DNAH9: variants seen among roughly 807,000 people sequenced by gnomAD.
DNAH9 encodes DNAH9 variant protein.
DNAH9 carries 345 observed loss-of-function variants against 471.6 expected under a neutral mutation model. The observed-to-expected ratio is 0.73, with a 90% confidence interval of 0.67 to 0.80. DNAH9 has a LOEUF of 0.80. DNAH9 is among the 30% of genes least tolerant of loss of function. The probability of loss-of-function intolerance (pLI) is 0.00; values close to 1 mark genes in which losing one functional copy is unlikely to be tolerated. For missense variants in DNAH9, 5,407 were observed against 5,609.2 expected, an observed-to-expected ratio of 0.96 and a Z score of 1.15; for synonymous variants, 2,093 against 2,123.6, an observed-to-expected ratio of 0.99 and a Z score of 0.40.
intron 59 of DNAH9, among the ~76,000 whole-genome samples, chr17:11,897,632 C>A (rs1973261328): frequency 6.6e-6 from 1 of 152,224 alleles, no homozygotes; most frequent in Non-Finnish European, 1.5e-5. Flanking sequence ...CTAATTAACA[C>A]AGGCTCTGGA....
chr17:11,894,315 G>C, intron 58 of DNAH9, 59 bp from the exon 59 acceptor site: 2 of 1,597,126 alleles, frequency 1.3e-6, no homozygotes, highest in Non-Finnish European at 8.5e-7. Flanking sequence ...CAACCCCTAA[G>C]ATTTCTAGGA....
Position 11,651,230 on chromosome 17 carries a change from G to T in DNAH9, c.2259G>T (p.Leu753=). 6.2e-7 allele frequency: 1 copy of T among 1,614,080 alleles called. No individual in the cohort carries two copies. The highest frequency in any genetic ancestry group is 1.3e-5 in the African/African-American group (1 of 75,014). The change falls in exon 13 of 69, where the codon CTG becomes CTT. Residue 753 remains leucine (L), a synonymous_variant. Coordinates refer to ENST00000262442, the MANE Select transcript of DNAH9 (RefSeq NM_001372.4). ...GGTACAACAAGGTTATGAAAACTCT[G>T]CTGGAGGTGGAATTTCCATTAGTGG... ...ANWYNKVMKT[L]LEVEFPLVEE...
intron 28 of DNAH9, among the ~76,000 whole-genome samples, chr17:11,734,439 A>G (rs968135317): frequency 6.6e-6 from 1 of 152,232 alleles, no homozygotes; most frequent in African/African-American, 2.4e-5. Flanking sequence ...CACATGGTTC[A>G]CACGTTCAGC....
chr17:11,763,301 G>C, intron 35 of DNAH9, 139 bp from the exon 36 acceptor site: 1 of 721,958 alleles, frequency 1.4e-6, no homozygotes, highest in Non-Finnish European at 2.3e-6. Context: ...GGCTTAAGTG[G>C]CGCTCTGGTT....
chr17:11,843,859 G>GTATATATATATATATA (rs1490566898), intron 49 of DNAH9, among the ~76,000 whole-genome samples: 234 of 46,856 alleles, frequency 5.0e-3, no homozygotes, highest in Admixed American at 5.9e-3. Context: ...GTGTGTGTGT[G>GTATATATATATATATA]TGTGTATATA....
rs749472184 is a variant in DNAH9 at position 11,871,781 on chromosome 17, C to A, written c.10237C>A (p.Leu3413Met). ...AACTTGGAGGCCCTACCTGAGCCAG[C>A]TGAAAGTACGTATGGCCTGAATTTC... ...DRTWRPYLSQ[L>M]KTPIPVTPAL... The change falls in exon 52 of 69, where the codon CTG (leucine) becomes ATG (methionine). Residue 3413 changes from leucine to methionine, a missense_variant. Leu to Met is a conservative substitution (Grantham distance 15). This residue lies in a region of DNAH9 where 4,636 missense variants were observed against 4,900.3 expected (regional missense o/e 0.95). Transcript: ENST00000262442. 3.7e-6 allele frequency: 6 copies of A among 1,613,922 alleles called. No individual in the cohort carries two copies. In the Admixed American group the frequency reaches 1.0e-4, roughly 27 times the overall value.
rs2151036410 is a variant in DNAH9 at position 11,932,399 on chromosome 17, C to T, written c.12297+194C>T. Among the ~76,000 whole-genome samples, 1 of 152,268 alleles carries T rather than the reference C, an allele frequency of 6.6e-6. No homozygotes were observed. Among genetic ancestry groups the T allele is most frequent in the South Asian group, 2.1e-4 (1 of 4,826 alleles). ...TAACACATGGTCATGTTCCAAGCCC[C>T]ACTCCCCATTACCTGACAGCCAGAT... On this transcript the variant is annotated intron_variant, in intron 64 of 68. Transcript: ENST00000262442. This position sits in a 1 kb window ranked among gnomAD's most constrained non-coding sequence, Gnocchi z 4.3.
chr17:11,840,633 A>T lies in DNAH9; in HGVS notation c.9507+5735A>T, dbSNP rs117848237. 6.7e-3 allele frequency among the ~76,000 whole-genome samples: 1,016 copies of T among 152,290 alleles called. 4 individuals carry two copies. Among genetic ancestry groups the T allele is most frequent in the Non-Finnish European group, 0.011 (758 of 68,022 alleles). On this transcript the variant is annotated intron_variant, in intron 49 of 68. Coordinates refer to ENST00000262442, the MANE Select transcript of DNAH9 (RefSeq NM_001372.4). ...TCATATAACAAAAGTGACTTTGCAGATATCATTAAGTTAAGGATCTTGAGA... is the reference window on the plus strand; with the variant it reads ...TCATATAACAAAAGTGACTTTGCAGTTATCATTAAGTTAAGGATCTTGAGA...
At chr17:11,855,859 C>T (rs1034697468) in intron 50 of DNAH9, among the ~76,000 whole-genome samples, 5 of 152,268 alleles carry the variant, frequency 3.3e-5, no homozygotes, top group Admixed American at 6.5e-5. Context: ...ATTTACTGAT[C>T]GTGTGACCTT....
intron 50 of DNAH9, among the ~76,000 whole-genome samples, chr17:11,866,881 G>A (rs1243319552): frequency 1.3e-5 from 2 of 152,254 alleles, no homozygotes; most frequent in South Asian, 2.1e-4. Flanking sequence ...GAAAAGGGCA[G>A]TATTCGGGTG....
Position 11,768,447 on chromosome 17 carries a change from T to A in DNAH9, c.7171-6T>A. ...CCTTGTCCCCTGACTGTCTTTGTTT[T>A]TGCAGCTTGTGGACTACCGGGCAGA... On this transcript the variant is annotated splice_polypyrimidine_tract_variant and splice_region_variant and intron_variant, in intron 36 of 68. Transcript: ENST00000262442. 6.2e-7 allele frequency: 1 copy of A among 1,611,440 alleles called. No individual in the cohort carries two copies. The highest frequency in any genetic ancestry group is 8.5e-7 in the Non-Finnish European group (1 of 1,177,756).
chr17:11,819,478 C>T (rs78929639), intron 45 of DNAH9, among the ~76,000 whole-genome samples: 15 of 151,758 alleles, frequency 9.9e-5, no homozygotes, highest in Non-Finnish European at 1.8e-4. Context: ...AGTGCAGTGG[C>T]GCAATCTCGG....
At chr17:11,728,333 C>T (rs1425319936) in intron 28 of DNAH9, among the ~76,000 whole-genome samples, 2 of 152,140 alleles carry the variant, frequency 1.3e-5, no homozygotes, top group Admixed American at 1.3e-4. Context: ...TTCCACCACG[C>T]TCAGCTTAAT....
intron 12 of DNAH9, 121 bp from the exon 13 acceptor site, chr17:11,650,948 A>G: frequency 9.8e-7 from 1 of 1,022,058 alleles, no homozygotes. Flanking sequence ...TGATAGGAGC[A>G]GAACTTAAGA....
chr17:11,831,822 A>G (rs1181302478), intron 48 of DNAH9, among the ~76,000 whole-genome samples: 1 of 152,140 alleles, frequency 6.6e-6, no homozygotes, highest in Non-Finnish European at 1.5e-5. Flanking sequence ...GTTCTTGAAG[A>G]AGGGATGGTC....
chr17:11,801,422 G>T (rs1367146736), intron 43 of DNAH9, among the ~76,000 whole-genome samples: 2 of 152,210 alleles, frequency 1.3e-5, no homozygotes, highest in Non-Finnish European at 2.9e-5. Context: ...GGGCACCGTG[G>T]CTCATGCCTG....
At chr17:11,786,186 A>G (rs1567801841) in intron 41 of DNAH9, among the ~76,000 whole-genome samples, 1 of 152,200 alleles carries the variant, frequency 6.6e-6, no homozygotes. Flanking sequence ...ATCAGAAGCA[A>G]CCCAACCTTA....
intron 50 of DNAH9, among the ~76,000 whole-genome samples, chr17:11,855,265 T>C (rs1253013589): frequency 1.3e-5 from 2 of 152,062 alleles, no homozygotes; most frequent in South Asian, 4.2e-4. Context: ...AGAGATAGAG[T>C]GAGTGCTCCA....
Position 11,871,791 on chromosome 17 carries a change from G to T in DNAH9, c.10242+5G>T, listed in dbSNP as rs772174304. On this transcript the variant is annotated splice_donor_5th_base_variant and intron_variant, in intron 52 of 68. Transcript: ENST00000262442. ...CCCTACCTGAGCCAGCTGAAAGTACGTATGGCCTGAATTTCTCCCGACCAC... is the reference window on the plus strand; with the variant it reads ...CCCTACCTGAGCCAGCTGAAAGTACTTATGGCCTGAATTTCTCCCGACCAC... 1 of 1,613,394 alleles carries T rather than the reference G, an allele frequency of 6.2e-7. No individual in the cohort carries two copies. The highest frequency in any genetic ancestry group is 8.5e-7 in the Non-Finnish European group (1 of 1,179,538).
Sources: gnomAD v4.1 joint callset for allele counts (sites outside exome capture counted in the v4.1 genomes callset) on GRCh38, gnomAD v4.1.1 for gene constraint, gnomAD v4.1.1 regional missense constraint, Gnocchi (gnomAD v3.1) non-coding constraint, MANE v1.5 for transcripts, NCBI Gene and HGNC (gene_info 2026-07-23, HGNC 2026-07-21) for gene names.